Variants in CHRM4 observed in about 807,000 individuals in gnomAD.
CHRM4 encodes the protein muscarinic acetylcholine receptor M4.
Under a neutral mutation model 26.3 loss-of-function variants are expected in CHRM4, and 5 were observed. The ratio of observed to expected loss-of-function variants is 0.19; its 90% CI spans 0.10 to 0.40. The LOEUF is 0.40. CHRM4 is among the 10% of genes least tolerant of loss of function. The probability of loss-of-function intolerance (pLI) is 1.00; values close to 1 mark genes in which losing one functional copy is unlikely to be tolerated. For missense variants in CHRM4, 402 were observed against 664.5 expected (o/e 0.60, Z 4.34); for synonymous variants, 290 against 285.3 (o/e 1.02, Z -0.16).
At chr11:46,389,955 G>A (rs1385909402) in intron 1 of CHRM4, among the ~76,000 whole-genome samples, 1 of 152,256 alleles carries the variant, frequency 6.6e-6, no homozygotes, top group East Asian at 1.9e-4. Flanking sequence ...GAGAGCGCGT[G>A]AGCATGCCGC....
rs377125659 is a variant in CHRM4, at chr11:46,385,527, A to G, written c.1031T>C (p.Ile344Thr). 2.5e-6 allele frequency: 4 copies of G among 1,582,798 alleles called. No individual in the cohort carries two copies. The highest frequency in any genetic ancestry group is 3.5e-6 in the Non-Finnish European group (4 of 1,157,988). ...NPASRWSKIQIVTKQTGNECV... is the reference protein window; with the variant it reads ...NPASRWSKIQTVTKQTGNECV... The stretch of plus-strand genomic sequence containing the variant: ...CTCATTGCCTGTCTGCTTCGTCACA[A>G]TCTGGATCTTGGACCATCTGGAGGC... Residue 344 changes from isoleucine to threonine, a missense_variant, in exon 2 of 2, where the codon ATT becomes ACT. By Grantham distance (89) the Ile-to-Thr change is moderately conservative. Around this residue, in one of 5 missense-constraint regions of CHRM4, gnomAD observed 205 missense variants for 244.0 expected, o/e 0.84. Coordinates refer to ENST00000682254, the MANE Select transcript of CHRM4 (RefSeq NM_000741.5). The surrounding 1 kb of genome is among the most constrained non-coding windows in gnomAD (Gnocchi z 6.3).
At position 46,386,693 on chromosome 11, in the gene CHRM4, C is replaced by A. The variant is rs1037257406; in HGVS notation, c.-29-107G>T. On this transcript the variant is annotated intron_variant, in intron 1 of 1. Transcript: ENST00000682254. This position sits in a 1 kb window ranked among gnomAD's most constrained non-coding sequence, Gnocchi z 5.8. ...CAGAGGGACATTCTCTGGCAGAATGCCTTGAGAGAACTCTGTCCCGCCATC... is the reference window on the plus strand; with the variant it reads ...CAGAGGGACATTCTCTGGCAGAATGACTTGAGAGAACTCTGTCCCGCCATC... The A allele has an allele frequency of 8.0e-6, 9 of 1,119,742 alleles. No homozygotes were observed. Among genetic ancestry groups the A allele is most frequent in the Non-Finnish European group, 1.0e-5 (8 of 792,230 alleles). 69.4% of individuals were successfully genotyped at this position (1,119,742 alleles called of 1,614,324 possible).
At chr11:46,387,658 T>G (rs980954371) in intron 1 of CHRM4, among the ~76,000 whole-genome samples, 1 of 152,086 alleles carries the variant, frequency 6.6e-6, no homozygotes, top group African/African-American at 2.4e-5. Context: ...GCCAAAGAGC[T>G]CCAGGAGCCA....
In CHRM4 at chr11:46,385,562, G is replaced by A; in HGVS notation, c.996C>T (p.Ala332=). 6.4e-7 allele frequency: 1 copy of A among 1,564,520 alleles called. No individual in the cohort carries two copies. The highest frequency in any genetic ancestry group is 8.7e-7 in the Non-Finnish European group (1 of 1,149,896). ...TGGACCATCTGGAGGCTGGGTTGAG[G>A]GCCCGCGGCTGCAGGGGAGGGGCGG... The part of the protein sequence containing the change: ...AMPAPPLQPR[A]LNPASRWSKI... The change falls in exon 2 of 2, where the codon GCC becomes GCT. Residue 332 remains alanine, a synonymous_variant. Transcript: ENST00000682254. The surrounding 1 kb of genome is among the most constrained non-coding windows in gnomAD (Gnocchi z 6.3).
chr11:46,388,367 C>T (rs546992899), intron 1 of CHRM4, among the ~76,000 whole-genome samples: 15 of 152,346 alleles, frequency 9.8e-5, no homozygotes, highest in Middle Eastern at 3.4e-3. Context: ...AGGATCCTGT[C>T]CTGGGACATC....
rs1281983217 is a variant in CHRM4, at chr11:46,384,841, G to T, written c.*277C>A. 6.6e-6 allele frequency among the ~76,000 whole-genome samples: 1 copy of T among 152,226 alleles called. No homozygotes were observed. Among genetic ancestry groups the T allele is most frequent in the Non-Finnish European group, 1.5e-5 (1 of 68,040 alleles). The stretch of plus-strand genomic sequence containing the variant: ...CACTGCTGATGGTTGGTCACAGTGG[G>T]GCAGGTGCCCACCCAGGCCAGTGCC... On this transcript the variant is annotated 3_prime_UTR_variant, in exon 2 of 2. Transcript: ENST00000682254.
At chr11:46,388,344 T>C (rs1945362106) in intron 1 of CHRM4, among the ~76,000 whole-genome samples, 1 of 152,222 alleles carries the variant, frequency 6.6e-6, no homozygotes, top group Admixed American at 6.5e-5. Context: ...TCTTTCTCAT[T>C]TGCAGAATAG....
rs200760652 is a variant in CHRM4 at position 46,386,462 on chromosome 11, C to T, written c.96G>A (p.Met32Ile). 1.2e-6 allele frequency: 2 copies of T among 1,613,852 alleles called. No homozygotes were observed. The highest frequency in any genetic ancestry group is 1.7e-6 in the Non-Finnish European group (2 of 1,179,894). The change falls in exon 2 of 2, where the codon ATG (methionine) becomes ATA (isoleucine). Residue 32 changes from methionine to isoleucine, a missense_variant. Met to Ile is a conservative substitution (Grantham distance 10). Coordinates refer to ENST00000682254, the MANE Select transcript of CHRM4 (RefSeq NM_000741.5). This position sits in a 1 kb window ranked among gnomAD's most constrained non-coding sequence, Gnocchi z 5.8. The part of the protein sequence containing the change: ...SSHNRYETVE[M>I]VFIATVTGSL... Reference sequence around the variant, plus strand: ...AGCCTGTCACTGTGGCAATGAAGACCATTTCCACCGTCTCATAGCGATTGT... The same window carrying T: ...AGCCTGTCACTGTGGCAATGAAGACTATTTCCACCGTCTCATAGCGATTGT...
chr11:46,385,023 A>G lies in CHRM4; in HGVS notation c.*95T>C. Reference sequence around the variant, plus strand: ...CCTCCTCAGCAAACGTGAACGCAGAATGGTGCCTGCAACTCTTCCCCACAG... The same window carrying G: ...CCTCCTCAGCAAACGTGAACGCAGAGTGGTGCCTGCAACTCTTCCCCACAG... On this transcript the variant is annotated 3_prime_UTR_variant, in exon 2 of 2. Transcript: ENST00000682254. This position sits in a 1 kb window ranked among gnomAD's most constrained non-coding sequence, Gnocchi z 6.3. 21 of 1,452,388 alleles carry G rather than the reference A, an allele frequency of 1.4e-5. No individual in the cohort carries two copies. The highest frequency in any genetic ancestry group is 1.9e-5 in the Non-Finnish European group (21 of 1,094,274). The allele number at this position is 1,452,388 out of a possible 1,614,324, so 90.0% of individuals were successfully genotyped here. A position where few individuals can be genotyped will look rare whatever the true frequency, so the allele number is the denominator to read the frequency against.
intron 1 of CHRM4, among the ~76,000 whole-genome samples, chr11:46,387,177 CCTG>C (rs1478794197): frequency 4.6e-5 from 7 of 152,234 alleles, no homozygotes; most frequent in Admixed American, 3.3e-4. Context: ...TTTCTTAACA[CCTG>C]CTCTCCAACC....
chr11:46,384,835 C>T lies in CHRM4; in HGVS notation c.*283G>A, dbSNP rs1945317196. 6.6e-6 allele frequency among the ~76,000 whole-genome samples: 1 copy of T among 152,262 alleles called. No homozygotes were observed. The highest frequency in any genetic ancestry group is 2.4e-5 in the African/African-American group (1 of 41,476). On this transcript the variant is annotated 3_prime_UTR_variant, in exon 2 of 2. Coordinates refer to ENST00000682254, the MANE Select transcript of CHRM4 (RefSeq NM_000741.5). ...TTCCAGCACTGCTGATGGTTGGTCA[C>T]AGTGGGGCAGGTGCCCACCCAGGCC...
chr11:46,391,456 A>G lies in CHRM4; in HGVS notation c.-30+75T>C, dbSNP rs1321862899. Among the ~76,000 whole-genome samples the G allele has an allele frequency of 6.6e-6, 1 of 150,702 alleles. No homozygotes were observed. The highest frequency in any genetic ancestry group is 1.5e-5 in the Non-Finnish European group (1 of 67,662). ...GGCCTTGCTTCCAGCGGGGTCCCCC[A>G]GCCCCGGCCCACTGCCGCTCCCGGC... On this transcript the variant is annotated intron_variant, in intron 1 of 1. Transcript: ENST00000682254. The surrounding 1 kb of genome is among the most constrained non-coding windows in gnomAD (Gnocchi z 6.3).
chr11:46,390,446 C>G (rs550251048), intron 1 of CHRM4, among the ~76,000 whole-genome samples: 1 of 152,262 alleles, frequency 6.6e-6, no homozygotes, highest in South Asian at 2.1e-4. Flanking sequence ...GGCGTTATTG[C>G]CAAAAGCCGC....
chr11:46,385,126 C>T lies in CHRM4; in HGVS notation c.1432G>A (p.Ala478Thr). The T allele has an allele frequency of 6.2e-7, 1 of 1,606,584 alleles. No individual in the cohort carries two copies. Among genetic ancestry groups the T allele is most frequent in the Non-Finnish European group, 8.5e-7 (1 of 1,173,952 alleles). The change falls in exon 2 of 2, where the codon GCC becomes ACC. Residue 478 changes from alanine (A) to threonine (T), a missense_variant. Physicochemically the swap from Ala to Thr is moderately conservative, Grantham distance 58 (BLOSUM62 0). This residue lies in a region of CHRM4 where 55 missense variants were observed against 126.4 expected (regional missense o/e 0.44). Coordinates refer to ENST00000682254, the MANE Select transcript of CHRM4 (RefSeq NM_000741.5). The surrounding 1 kb of genome is among the most constrained non-coding windows in gnomAD (Gnocchi z 6.3). ...LLCQYRNIGT[A>T]R is the part of the protein sequence containing the mutation. ...AGGGCACTCCTGCCTGCCTACCTGG[C>T]AGTGCCGATGTTCCGATACTGGCAC...
intron 1 of CHRM4, among the ~76,000 whole-genome samples, chr11:46,390,128 ACT>A (rs1027725246): frequency 8.6e-5 from 13 of 151,758 alleles, no homozygotes; most frequent in African/African-American, 3.1e-4. Context: ...CCTGCCGGAG[ACT>A]CAGCCAGACC....
chr11:46,387,433 T>G (rs566426535), intron 1 of CHRM4, among the ~76,000 whole-genome samples: 2 of 152,322 alleles, frequency 1.3e-5, no homozygotes, highest in East Asian at 3.9e-4. Flanking sequence ...GCAACATTTT[T>G]TATAGTGTTA....
At position 46,386,180 on chromosome 11, in the gene CHRM4, G is replaced by A. The variant is rs1221301795; in HGVS notation, c.378C>T (p.Ile126=). The A allele has an allele frequency of 9.3e-6, 15 of 1,613,800 alleles. No homozygotes were observed. The highest frequency in any genetic ancestry group is 1.7e-5 in the Admixed American group (1 of 60,022). Reference sequence around the variant, plus strand: ...TGACGCAGAAGTAGCGGTCAAAGCTGATGATGAGAAGGTTCATGACGGAGG... The same window carrying A: ...TGACGCAGAAGTAGCGGTCAAAGCTAATGATGAGAAGGTTCATGACGGAGG... ...SNASVMNLLI[I]SFDRYFCVTK... Residue 126 remains isoleucine (I), a synonymous_variant, in exon 2 of 2, where the codon ATC becomes ATT. Coordinates refer to ENST00000682254, the MANE Select transcript of CHRM4 (RefSeq NM_000741.5). This position sits in a 1 kb window ranked among gnomAD's most constrained non-coding sequence, Gnocchi z 5.8.
chr11:46,389,327 A>G (rs1945371448), intron 1 of CHRM4, among the ~76,000 whole-genome samples: 1 of 152,216 alleles, frequency 6.6e-6, no homozygotes, highest in Non-Finnish European at 1.5e-5. Context: ...GGCTGGGCTG[A>G]GCCGGGACCA....
chr11:46,390,258 G>A (rs950031708), intron 1 of CHRM4, among the ~76,000 whole-genome samples: 3 of 152,168 alleles, frequency 2.0e-5, no homozygotes, highest in Admixed American at 2.0e-4. Flanking sequence ...GGCTGCCTGC[G>A]ACGGGCCACC....
Sources: gnomAD v4.1 joint callset for allele counts (sites outside exome capture counted in the v4.1 genomes callset) on GRCh38, gnomAD v4.1.1 for gene constraint, gnomAD v4.1.1 regional missense constraint, Gnocchi (gnomAD v3.1) non-coding constraint, MANE v1.5 for transcripts, NCBI Gene and HGNC (gene_info 2026-07-23, HGNC 2026-07-21) for gene names.